The following OLFM3 variants were observed in gnomAD, a reference collection of about 807,000 sequenced individuals.
OLFM3 encodes noelin-3.
OLFM3 carries 20 observed loss-of-function variants against 48.6 expected under a neutral mutation model. That is an observed-to-expected ratio of 0.41 (90% CI 0.29 to 0.60). The LOEUF (loss-of-function observed/expected upper bound fraction) is 0.60, where lower values mean the gene tolerates loss of function less well. Ranked by LOEUF, OLFM3 falls within the 20% of genes least tolerant of loss-of-function variation. The pLI is 0.28. For missense variants in OLFM3, 437 were observed against 544.3 expected (o/e 0.80, Z 1.96); for synonymous variants, 222 against 198.1 (o/e 1.12, Z -1.01).
Position 101,830,774 on chromosome 1 carries a change from ATC to A in OLFM3, c.268_269del (p.Asp90PhefsTer22). 2 of 1,614,036 alleles carry A rather than the reference ATC, an allele frequency of 1.2e-6. No individual in the cohort carries two copies. Among genetic ancestry groups the A allele is most frequent in the Non-Finnish European group, 1.7e-6 (2 of 1,179,950 alleles). Reference protein sequence around the residue: ...IEVLNLRTQRDFQYVLKMETQ... With the variant: ...IEVLNLRTQRXFQYVLKMETQ... ...TTTCCATTTTTAAAACATATTGGAAATCTCTCTGAGTTCTCAAGTTTAAGACT... is the reference window on the plus strand; with the variant it reads ...TTTCCATTTTTAAAACATATTGGAAATCTCTGAGTTCTCAAGTTTAAGACT... On this transcript the variant is annotated frameshift_variant, in exon 3 of 6. Coordinates refer to ENST00000370103, the MANE Select transcript of OLFM3 (RefSeq NM_058170.4). LOFTEE classifies it high-confidence loss of function.
chr1:101,947,305 T>A (rs1248282400), intron 1 of OLFM3, among the ~76,000 whole-genome samples: 1 of 152,198 alleles, frequency 6.6e-6, no homozygotes. Context: ...ATCAAAATAA[T>A]TTCATTTCCT....
At chr1:101,847,642 C>A (rs948787883) in intron 1 of OLFM3, among the ~76,000 whole-genome samples, 2 of 152,096 alleles carry the variant, frequency 1.3e-5, no homozygotes, top group African/African-American at 4.8e-5. Context: ...TACACCTGAA[C>A]AGACAGAAAA....
At chr1:101,867,366 G>A (rs752908522) in intron 1 of OLFM3, among the ~76,000 whole-genome samples, 22 of 152,164 alleles carry the variant, frequency 1.4e-4, no homozygotes, top group Non-Finnish European at 2.6e-4. Flanking sequence ...TTACAGTGGT[G>A]TCATGTTCTT....
intron 1 of OLFM3, among the ~76,000 whole-genome samples, chr1:101,869,608 G>T (rs561922133): frequency 9.9e-5 from 15 of 152,238 alleles, no homozygotes; most frequent in African/African-American, 3.1e-4. Context: ...GTGAGTACAT[G>T]AAATTTGGGA....
At chr1:101,933,451 A>G (rs1659517894) in intron 1 of OLFM3, among the ~76,000 whole-genome samples, 1 of 152,110 alleles carries the variant, frequency 6.6e-6, no homozygotes, top group African/African-American at 2.4e-5. Flanking sequence ...AACCTCCAAG[A>G]AATATGGAAC....
intron 1 of OLFM3, among the ~76,000 whole-genome samples, chr1:101,863,741 AT>A (rs1656750131): frequency 6.6e-6 from 1 of 152,168 alleles, no homozygotes; most frequent in African/African-American, 2.4e-5. Context: ...CAAAGAAAAT[AT>A]TTTTATTCTA....
At chr1:101,990,274 C>A (rs1197879322) in intron 1 of OLFM3, among the ~76,000 whole-genome samples, 1 of 152,066 alleles carries the variant, frequency 6.6e-6, no homozygotes, top group Non-Finnish European at 1.5e-5. Context: ...ATGCTGATAA[C>A]TTTATACAAT....
In OLFM3 at chr1:101,952,512, T is replaced by C. The variant is rs1660172815; in HGVS notation, c.69+44236A>G. 2.6e-5 allele frequency among the ~76,000 whole-genome samples: 4 copies of C among 152,130 alleles called. No individual in the cohort carries two copies. The South Asian group carries it at 8.3e-4, about 32-fold the overall frequency. ...ATAGATTTTTTGCATCTCTCTGGGA[T>C]GAAATAAGAAAAAGAGATGTAGTAT... is the stretch of plus-strand genomic sequence containing the variant. On this transcript the variant is annotated intron_variant, in intron 1 of 5. Coordinates refer to ENST00000370103, the MANE Select transcript of OLFM3 (RefSeq NM_058170.4).
chr1:101,822,386 G>C (rs1157482666), intron 4 of OLFM3, among the ~76,000 whole-genome samples: 2 of 152,070 alleles, frequency 1.3e-5, no homozygotes, highest in Non-Finnish European at 2.9e-5. Flanking sequence ...GCCTGTCCTT[G>C]CTTCAGTAGA....
At chr1:101,891,132 G>A (rs549639612) in intron 1 of OLFM3, among the ~76,000 whole-genome samples, 1 of 152,056 alleles carries the variant, frequency 6.6e-6, no homozygotes, top group Non-Finnish European at 1.5e-5. Flanking sequence ...TCAGCACCCT[G>A]TAGACTGTTC....
intron 1 of OLFM3, among the ~76,000 whole-genome samples, chr1:101,844,453 A>C (rs1045773555): frequency 6.6e-6 from 1 of 152,168 alleles, no homozygotes; most frequent in Non-Finnish European, 1.5e-5. Flanking sequence ...GCAATGGTGA[A>C]ATAGCTTTGT....
At chr1:101,896,427 A>G (rs1231108531) in intron 1 of OLFM3, among the ~76,000 whole-genome samples, 1 of 151,910 alleles carries the variant, frequency 6.6e-6, no homozygotes, top group Non-Finnish European at 1.5e-5. Flanking sequence ...CACAATTTGA[A>G]CATGATATTT....
At chr1:101,851,258 C>T (rs920119241) in intron 1 of OLFM3, among the ~76,000 whole-genome samples, 2 of 152,098 alleles carry the variant, frequency 1.3e-5, no homozygotes, top group African/African-American at 4.8e-5. Context: ...ATACCATTGA[C>T]TAAGTAAGTC....
chr1:101,970,839 T>A (rs1660761482), intron 1 of OLFM3, among the ~76,000 whole-genome samples: 1 of 152,158 alleles, frequency 6.6e-6, no homozygotes, highest in African/African-American at 2.4e-5. Flanking sequence ...CAGAATAACA[T>A]GGAGAGGAGG....
chr1:101,938,801 A>G (rs1659701106), intron 1 of OLFM3, among the ~76,000 whole-genome samples: 1 of 152,134 alleles, frequency 6.6e-6, no homozygotes, highest in Admixed American at 6.6e-5. Flanking sequence ...GAGGCCTGGG[A>G]AAATTGGAGT....
intron 4 of OLFM3, among the ~76,000 whole-genome samples, chr1:101,823,089 T>C (rs562496936): frequency 6.6e-6 from 1 of 152,116 alleles, no homozygotes; most frequent in African/African-American, 2.4e-5. Context: ...AGTAAATTTA[T>C]TCACCAGATA....
At chr1:101,823,760 A>G (rs1467823251) in intron 4 of OLFM3, among the ~76,000 whole-genome samples, 2 of 152,070 alleles carry the variant, frequency 1.3e-5, no homozygotes, top group Non-Finnish European at 2.9e-5. Flanking sequence ...TTAGAAGACC[A>G]ACTGTAAATG....
intron 1 of OLFM3, among the ~76,000 whole-genome samples, chr1:101,845,170 A>C (rs1020637926): frequency 1.3e-5 from 2 of 151,782 alleles, no homozygotes; most frequent in Admixed American, 1.3e-4. Flanking sequence ...TCTTCTTCTT[A>C]TTATTTTCTT....
chr1:101,834,421 TA>T (rs1369899289), intron 2 of OLFM3, among the ~76,000 whole-genome samples: 1 of 152,236 alleles, frequency 6.6e-6, no homozygotes, highest in Non-Finnish European at 1.5e-5. Flanking sequence ...TATATGTGAC[TA>T]AATCAATCTT....
Sources: gnomAD v4.1 joint callset for allele counts (sites outside exome capture counted in the v4.1 genomes callset) on GRCh38, gnomAD v4.1.1 for gene constraint, MANE v1.5 for transcripts, NCBI Gene and HGNC (gene_info 2026-07-23, HGNC 2026-07-21) for gene names.